RTCB: variants seen among roughly 807,000 people sequenced by gnomAD.
RTCB encodes RNA 2',3'-cyclic phosphate and 5'-OH ligase, also known as RNA-splicing ligase RTCB.
RTCB carries 32 observed loss-of-function variants against 58.2 expected under a neutral mutation model. The ratio of observed to expected loss-of-function variants is 0.55; its 90% CI spans 0.41 to 0.74. The LOEUF is 0.74. Among genes scored for constraint, RTCB ranks in the 30% least tolerant of loss-of-function variants. The pLI is 0.00. For missense variants in RTCB, 523 were observed against 639.0 expected (o/e 0.82, Z 1.96); for synonymous variants, 247 against 218.6 (o/e 1.13, Z -1.15).
rs576045914 is a variant in RTCB at position 32,408,215 on chromosome 22, T to C, written c.200A>G (p.Lys67Arg). Residue 67 changes from lysine (K) to arginine (R), a missense_variant, in exon 3 of 12, where the codon AAA (lysine) becomes AGA (arginine). By Grantham distance (26) the Lys-to-Arg change is conservative. Coordinates refer to ENST00000216038, the MANE Select transcript of RTCB (RefSeq NM_014306.5). ...GGVGGFLPAMKQIGNVAALPG... is the reference protein window; with the variant it reads ...GGVGGFLPAMRQIGNVAALPG... ...CAGGGCTGCCACATTGCCAATCTGT[T>C]TCATGGCTGGCAGGAAGCCACCAAC... 6.2e-7 allele frequency: 1 copy of C among 1,614,188 alleles called. No individual in the cohort carries two copies. The highest frequency in any genetic ancestry group is 2.2e-5 in the East Asian group (1 of 44,884).
At chr22:32,395,720 A>G (rs1363544129) in intron 8 of RTCB, among the ~76,000 whole-genome samples, 1 of 151,830 alleles carries the variant, frequency 6.6e-6, no homozygotes, top group Non-Finnish European at 1.5e-5. Flanking sequence ...TGGAGACAGG[A>G]GTCTCACTCT....
At chr22:32,403,946 T>C (rs977471431) in intron 4 of RTCB, among the ~76,000 whole-genome samples, 6 of 152,206 alleles carry the variant, frequency 3.9e-5, no homozygotes, top group African/African-American at 1.4e-4. Context: ...TTCGTTTCTG[T>C]GTCTGGCCTA....
intron 8 of RTCB, 100 bp from the exon 9 acceptor site, chr22:32,395,314 G>A: frequency 1.7e-5 from 17 of 985,886 alleles, no homozygotes; most frequent in Non-Finnish European, 2.5e-5. Context: ...TGTTCTGAAG[G>A]GAGTAAAAGA....
chr22:32,399,025 A>G (rs569664809), intron 6 of RTCB, among the ~76,000 whole-genome samples: 48 of 152,332 alleles, frequency 3.2e-4, no homozygotes, highest in African/African-American at 1.1e-3. Context: ...GTATATTCTT[A>G]TCTCATGGAT....
chr22:32,401,839 A>C lies in RTCB; in HGVS notation c.405T>G (p.Asp135Glu). 1 of 1,614,154 alleles carries C rather than the reference A, an allele frequency of 6.2e-7. No individual in the cohort carries two copies. Residue 135 changes from aspartate to glutamate, a missense_variant, in exon 5 of 12, where the codon GAT (aspartate) becomes GAG (glutamate). Asp to Glu is a conservative substitution (Grantham distance 45, BLOSUM62 2). Around this residue, in one of 3 missense-constraint regions of RTCB, gnomAD observed 141 missense variants for 216.7 expected, o/e 0.65. Transcript: ENST00000216038. ...RLLRTNLDES[D>E]VQPVKEQLAQ... is the part of the protein sequence containing the mutation. The stretch of plus-strand genomic sequence containing the variant: ...CAAGTTGCTCCTTCACAGGCTGGAC[A>C]TCACTTTCATCTAAATTGGTTCTTA...
Position 32,394,372 on chromosome 22 carries a change from A to G in RTCB, c.1180-370T>C, listed in dbSNP as rs141647841. The stretch of plus-strand genomic sequence containing the variant: ...GTGATTTGCCCGCCTTGGCCTCCGA[A>G]AGTGCTGGGATTACAGGCGTAAGCC... On this transcript the variant is annotated intron_variant, in intron 9 of 11. Coordinates refer to ENST00000216038, the MANE Select transcript of RTCB (RefSeq NM_014306.5). Among the ~76,000 whole-genome samples the G allele has an allele frequency of 3.5e-3, 534 of 152,000 alleles. 4 individuals carry two copies. Among genetic ancestry groups the G allele is most frequent in the African/African-American group, 0.012 (513 of 41,468 alleles).
chr22:32,408,629 T>C (rs1933467766), intron 2 of RTCB, 126 bp downstream of exon 2: 1 of 715,416 alleles, frequency 1.4e-6, no homozygotes, highest in African/African-American at 1.8e-5. Flanking sequence ...GTGCTTTTGG[T>C]CTTACTTTTA....
chr22:32,408,909 A>G (rs1569443437), intron 1 of RTCB, 76 bp from the exon 2 acceptor site: 2 of 1,000,082 alleles, frequency 2.0e-6, no homozygotes, highest in South Asian at 1.3e-5. Context: ...AATGCACTGT[A>G]TGCAATATTT....
chr22:32,397,421 C>T (rs998199305), intron 7 of RTCB, among the ~76,000 whole-genome samples: 1 of 152,172 alleles, frequency 6.6e-6, no homozygotes, highest in Non-Finnish European at 1.5e-5. Context: ...TTTGACTCTC[C>T]TATATAATTA....
chr22:32,404,583 T>G (rs894152619), intron 4 of RTCB, among the ~76,000 whole-genome samples: 1 of 152,132 alleles, frequency 6.6e-6, no homozygotes, highest in Non-Finnish European at 1.5e-5. Flanking sequence ...TTCTAAAACT[T>G]TTTGTAGAGA....
rs143667075 is a variant in RTCB at position 32,400,262 on chromosome 22, T to C, written c.498-503A>G. 8.3e-3 allele frequency among the ~76,000 whole-genome samples: 1,258 copies of C among 152,300 alleles called. 24 individuals carry two copies. Among genetic ancestry groups the C allele is most frequent in the East Asian group, 0.015 (79 of 5,178 alleles). On this transcript the variant is annotated intron_variant, in intron 5 of 11. Transcript: ENST00000216038. The stretch of plus-strand genomic sequence containing the variant: ...CAACACAGGTTAAATTTTAAGCTGT[T>C]TTCCCATCTTCACAGAAGTTCTGAG...
intron 6 of RTCB, among the ~76,000 whole-genome samples, chr22:32,398,715 G>A (rs1427321890): frequency 6.6e-6 from 1 of 152,204 alleles, no homozygotes; most frequent in Non-Finnish European, 1.5e-5. Context: ...TGGGATAAAT[G>A]TTGGTAAATG....
At chr22:32,400,116 A>G (rs1328072097) in intron 5 of RTCB, 1 of 170,740 alleles carries the variant, frequency 5.9e-6, no homozygotes, top group African/African-American at 2.4e-5. Flanking sequence ...ACAAAAAACA[A>G]CAACAACAAC....
chr22:32,400,343 G>A (rs754793188), intron 5 of RTCB, among the ~76,000 whole-genome samples: 9 of 152,154 alleles, frequency 5.9e-5, no homozygotes, highest in Non-Finnish European at 1.0e-4. Flanking sequence ...AACCCTTAGA[G>A]GGTACAAGCT....
At chr22:32,408,480 CA>C (rs993591996) in intron 2 of RTCB, among the ~76,000 whole-genome samples, 4 of 152,142 alleles carry the variant, frequency 2.6e-5, no homozygotes, top group African/African-American at 9.7e-5. Flanking sequence ...ATAGTAAGTG[CA>C]AAACAAATGG....
chr22:32,389,890 C>G (rs1263388768), intron 11 of RTCB, among the ~76,000 whole-genome samples: 1 of 152,170 alleles, frequency 6.6e-6, no homozygotes, highest in African/African-American at 2.4e-5. Flanking sequence ...GCGCCCCCTA[C>G]CTCTCTGACC....
At position 32,397,473 on chromosome 22, in the gene RTCB, T is replaced by C. The variant is rs371839103; in HGVS notation, c.814+468A>G. ...ATTTATTTTTTCTTTTAAATGGACA[T>C]GACCTTTACTTCATGAGACAATTTG... On this transcript the variant is annotated intron_variant, in intron 7 of 11. Coordinates refer to ENST00000216038, the MANE Select transcript of RTCB (RefSeq NM_014306.5). Among the ~76,000 whole-genome samples, 3 of 152,266 alleles carry C rather than the reference T, an allele frequency of 2.0e-5. No homozygotes were observed. The East Asian group carries it at 5.8e-4, about 29-fold the overall frequency.
At chr22:32,392,493 A>T in intron 10 of RTCB, 134 bp from the exon 11 acceptor site, 1 of 1,110,424 alleles carries the variant, frequency 9.0e-7, no homozygotes, top group Non-Finnish European at 1.3e-6. Context: ...GGCCTTTTAA[A>T]CCTCATCATA....
chr22:32,409,485 T>C (rs1354328931), intron 1 of RTCB, among the ~76,000 whole-genome samples: 1 of 152,214 alleles, frequency 6.6e-6, no homozygotes, highest in Non-Finnish European at 1.5e-5. Flanking sequence ...ACGACATACT[T>C]ATGTAACACT....
Sources: gnomAD v4.1 joint callset for allele counts (sites outside exome capture counted in the v4.1 genomes callset) on GRCh38, gnomAD v4.1.1 for gene constraint, gnomAD v4.1.1 regional missense constraint, MANE v1.5 for transcripts, NCBI Gene and HGNC (gene_info 2026-07-23, HGNC 2026-07-21) for gene names.